Variants in CMSS1 observed in about 807,000 individuals in gnomAD.
CMSS1 encodes the protein cms1 ribosomal small subunit homolog.
CMSS1 carries 33 observed loss-of-function variants against 43.5 expected under a neutral mutation model. The ratio of observed to expected loss-of-function variants is 0.76; its 90% CI spans 0.57 to 1.01. CMSS1 has a LOEUF of 1.01. Among genes scored for constraint, CMSS1 ranks in the 50% least tolerant of loss-of-function variants. The pLI is 0.00. For missense variants in CMSS1, 313 were observed against 326.4 expected (o/e 0.96, Z 0.32); for synonymous variants, 115 against 117.2 (o/e 0.98, Z 0.12).
intron 1 of CMSS1, among the ~76,000 whole-genome samples, chr3:100,093,676 A>G (rs1576050177): frequency 6.6e-6 from 1 of 152,182 alleles, no homozygotes; most frequent in Non-Finnish European, 1.5e-5. Flanking sequence ...CCTCATGTTC[A>G]CCTTTTATAG....
chr3:99,933,591 T>G (rs944032634), intron 1 of CMSS1, among the ~76,000 whole-genome samples: 6 of 152,236 alleles, frequency 3.9e-5, no homozygotes, highest in African/African-American at 1.4e-4. Context: ...CTATTGTATT[T>G]TCTTGAACAC....
intron 1 of CMSS1, among the ~76,000 whole-genome samples, chr3:99,889,499 G>A (rs1016014522): frequency 1.3e-5 from 2 of 151,808 alleles, no homozygotes; most frequent in Non-Finnish European, 2.9e-5. Context: ...GTATAGCTAG[G>A]AATTATAATT....
At chr3:100,118,912 C>G (rs1004653965) in intron 1 of CMSS1, among the ~76,000 whole-genome samples, 2 of 152,146 alleles carry the variant, frequency 1.3e-5, no homozygotes, top group African/African-American at 4.8e-5. Flanking sequence ...GACAGGTGAC[C>G]AAGCAACCAA....
chr3:99,921,982 C>T (rs1322655232), intron 1 of CMSS1, among the ~76,000 whole-genome samples: 1 of 152,178 alleles, frequency 6.6e-6, no homozygotes, highest in African/African-American at 2.4e-5. Context: ...ATAGCCCTCT[C>T]CAGCCTTCCT....
intron 1 of CMSS1, among the ~76,000 whole-genome samples, chr3:100,137,149 C>G (rs2066762682): frequency 6.6e-6 from 1 of 152,222 alleles, no homozygotes; most frequent in Non-Finnish European, 1.5e-5. Context: ...GTTCCCAGCC[C>G]TGGCCAAATA....
At chr3:100,082,206 A>G (rs2065943482) in intron 1 of CMSS1, among the ~76,000 whole-genome samples, 1 of 152,244 alleles carries the variant, frequency 6.6e-6, no homozygotes, top group South Asian at 2.1e-4. Flanking sequence ...CTAAAGAGTC[A>G]TATATCATGA....
At position 99,856,482 on chromosome 3, in the gene CMSS1, C is replaced by T. The variant is rs138641787; in HGVS notation, c.64+38439C>T. 5.1e-3 allele frequency among the ~76,000 whole-genome samples: 771 copies of T among 152,206 alleles called. 10 individuals are homozygous for T. Among genetic ancestry groups the T allele is most frequent in the African/African-American group, 0.017 (692 of 41,518 alleles). On this transcript the variant is annotated intron_variant, in intron 1 of 9. Transcript: ENST00000421999. ...GCATTATAGGAACATTCAGTGAATC[C>T]GCTCCAATAAAAATGGGTTGTGGAA...
intron 1 of CMSS1, among the ~76,000 whole-genome samples, chr3:99,842,341 G>A (rs1218616854): frequency 6.6e-6 from 1 of 152,134 alleles, no homozygotes; most frequent in Non-Finnish European, 1.5e-5. Flanking sequence ...GGGAAAGAGT[G>A]GGAGGGGTGT....
At chr3:99,956,056 C>T (rs907502224) in intron 1 of CMSS1, among the ~76,000 whole-genome samples, 6 of 152,150 alleles carry the variant, frequency 3.9e-5, no homozygotes, top group Non-Finnish European at 7.4e-5. Flanking sequence ...TTGACTGACA[C>T]GTTTTTAAGT....
At chr3:100,018,304 C>T (rs1416775743) in intron 1 of CMSS1, among the ~76,000 whole-genome samples, 1 of 151,912 alleles carries the variant, frequency 6.6e-6, no homozygotes, top group Non-Finnish European at 1.5e-5. Flanking sequence ...CCAGCCTAGG[C>T]GACAAGAGCA....
At chr3:100,159,472 C>A (rs2067004399) in intron 2 of CMSS1, among the ~76,000 whole-genome samples, 2 of 152,094 alleles carry the variant, frequency 1.3e-5, no homozygotes, top group Admixed American at 1.3e-4. Flanking sequence ...TTTAGCAGAG[C>A]CAGTGGAGAC....
At chr3:99,924,600 C>CT (rs1195810956) in intron 1 of CMSS1, among the ~76,000 whole-genome samples, 1 of 152,220 alleles carries the variant, frequency 6.6e-6, no homozygotes, top group Non-Finnish European at 1.5e-5. Context: ...CTCACTGCAA[C>CT]TTCCGCCTCC....
chr3:99,948,596 AAGAGAGGGGAGGGGAAGGGAGAGAGAG>A (rs1708082271), intron 1 of CMSS1, among the ~76,000 whole-genome samples: 2 of 141,358 alleles, frequency 1.4e-5, no homozygotes, highest in African/African-American at 5.2e-5. Flanking sequence ...GGGAGAGAGA[AAGAGAGGGGAGGGGAAGGGAGAGAGAG>A]AGGAAGGAGG....
intron 1 of CMSS1, among the ~76,000 whole-genome samples, chr3:100,079,815 C>T (rs538794778): frequency 1.3e-5 from 2 of 150,598 alleles, no homozygotes; most frequent in Admixed American, 1.3e-4. Context: ...TCATGATAAC[C>T]TAAAAAAAAA....
chr3:100,019,974 G>T (rs2064778069), intron 1 of CMSS1, among the ~76,000 whole-genome samples: 1 of 152,118 alleles, frequency 6.6e-6, no homozygotes. Context: ...TAAAAGCTCT[G>T]TGTGTATTAT....
chr3:99,931,506 T>C (rs1260735940), intron 1 of CMSS1, among the ~76,000 whole-genome samples: 1 of 152,234 alleles, frequency 6.6e-6, no homozygotes, highest in African/African-American at 2.4e-5. Flanking sequence ...GTTTTTAAAA[T>C]TTGTTAGCCT....
intron 1 of CMSS1, among the ~76,000 whole-genome samples, chr3:100,132,627 G>T (rs1235629758): frequency 6.6e-6 from 1 of 151,880 alleles, no homozygotes; most frequent in Non-Finnish European, 1.5e-5. Context: ...AGACCATCCT[G>T]GCTAACATGG....
rs72936586 is a variant in CMSS1 at position 100,156,032 on chromosome 3, G to C, written c.154-4398G>C. ...ATACCTAATGGGCTTTCAATCTGGAGTTTTATGTTCTAGAAAGTTTCCTTC... is the reference window on the plus strand; with the variant it reads ...ATACCTAATGGGCTTTCAATCTGGACTTTTATGTTCTAGAAAGTTTCCTTC... On this transcript the variant is annotated intron_variant, in intron 2 of 9. Transcript: ENST00000421999. 2.6e-3 allele frequency among the ~76,000 whole-genome samples: 394 copies of C among 152,082 alleles called. 4 individuals carry two copies. Among genetic ancestry groups the C allele is most frequent in the African/African-American group, 9.2e-3 (381 of 41,478 alleles).
At chr3:99,959,493 A>T (rs1022253798) in intron 1 of CMSS1, among the ~76,000 whole-genome samples, 3 of 152,190 alleles carry the variant, frequency 2.0e-5, no homozygotes, top group African/African-American at 7.2e-5. Context: ...TATAAATATT[A>T]AAAAGAAGAG....
Sources: allele counts gnomAD v4.1 joint callset (sites outside exome capture counted in the v4.1 genomes callset), GRCh38; gene constraint gnomAD v4.1.1; transcripts MANE v1.5; gene names NCBI Gene and HGNC (gene_info 2026-07-23, HGNC 2026-07-21).